Variants in PDSS2 observed in about 807,000 individuals in gnomAD.
The protein encoded by PDSS2 is all trans-polyprenyl-diphosphate synthase PDSS2.
A neutral mutation model predicts 44.5 loss-of-function variants in PDSS2; 31 were observed. That is an observed-to-expected ratio of 0.70 (90% CI 0.52 to 0.94). PDSS2 has a LOEUF of 0.94. Among genes scored for constraint, PDSS2 ranks in the 40% least tolerant of loss-of-function variants. PDSS2 has a pLI of 0.00. For missense variants in PDSS2, 452 were observed against 482.2 expected, an observed-to-expected ratio of 0.94 and a Z score of 0.59; for synonymous variants, 157 against 180.3, an observed-to-expected ratio of 0.87 and a Z score of 1.03.
At position 107,405,052 on chromosome 6, in the gene PDSS2, T is replaced by C. The variant is rs565415468; in HGVS notation, c.296+53938A>G. The stretch of plus-strand genomic sequence containing the variant: ...GCAAGAGAAAGTATCTAGTCACTTA[T>C]AAAGAAAACCCCATCAGAGTAACAG... On this transcript the variant is annotated intron_variant, in intron 1 of 7. Coordinates refer to ENST00000369037, the MANE Select transcript of PDSS2 (RefSeq NM_020381.4). Among the ~76,000 whole-genome samples, 7 of 151,908 alleles carry C rather than the reference T, an allele frequency of 4.6e-5. No homozygotes were observed. In the South Asian group the frequency reaches 1.0e-3, roughly 23 times the overall value.
intron 7 of PDSS2, among the ~76,000 whole-genome samples, chr6:107,180,037 T>C (rs372013211): frequency 1.3e-5 from 2 of 152,300 alleles, no homozygotes; most frequent in East Asian, 3.9e-4. Context: ...CAGAGGTGCC[T>C]CTCTTTTCAC....
intron 1 of PDSS2, among the ~76,000 whole-genome samples, chr6:107,376,792 T>C (rs1779297991): frequency 6.6e-6 from 1 of 152,142 alleles, no homozygotes; most frequent in African/African-American, 2.4e-5. Flanking sequence ...CTTCCAACAC[T>C]ATGTTGAATA....
chr6:107,210,086 A>G (rs1773144463), intron 6 of PDSS2, among the ~76,000 whole-genome samples: 1 of 152,132 alleles, frequency 6.6e-6, no homozygotes, highest in African/African-American at 2.4e-5. Context: ...CTTGTGCGAG[A>G]GTCCACAGAT....
chr6:107,227,093 C>T (rs1437879574), intron 4 of PDSS2, among the ~76,000 whole-genome samples: 2 of 151,830 alleles, frequency 1.3e-5, no homozygotes, highest in African/African-American at 4.8e-5. Context: ...GAATCTCCTG[C>T]CTCGGCCTCT....
intron 7 of PDSS2, among the ~76,000 whole-genome samples, chr6:107,180,922 G>A (rs886567893): frequency 1.3e-5 from 2 of 152,144 alleles, no homozygotes; most frequent in African/African-American, 4.8e-5. Context: ...CGCAATAACC[G>A]CAACCTCCAT....
intron 1 of PDSS2, among the ~76,000 whole-genome samples, chr6:107,367,107 G>C (rs1778981124): frequency 6.6e-6 from 1 of 152,016 alleles, no homozygotes; most frequent in Non-Finnish European, 1.5e-5. Flanking sequence ...ACTGAATCTA[G>C]CAATATAAAA....
At chr6:107,227,958 T>C (rs1773891273) in intron 4 of PDSS2, among the ~76,000 whole-genome samples, 1 of 152,224 alleles carries the variant, frequency 6.6e-6, no homozygotes, top group South Asian at 2.1e-4. Context: ...CACCAGCCTA[T>C]AGACAGATGG....
At position 107,181,316 on chromosome 6, in the gene PDSS2, C is replaced by T. The variant is rs563312734; in HGVS notation, c.1041+12506G>A. On this transcript the variant is annotated intron_variant, in intron 7 of 7. Coordinates refer to ENST00000369037, the MANE Select transcript of PDSS2 (RefSeq NM_020381.4). ...TTGGGAGGCTGAGGCGGGTAATCAC[C>T]TCCCAAAGGAGTTCAAGATCAGCCT... is the stretch of plus-strand genomic sequence containing the variant. Among the ~76,000 whole-genome samples, 5 of 152,004 alleles carry T rather than the reference C, an allele frequency of 3.3e-5. No individual in the cohort carries two copies. The South Asian group carries it at 6.2e-4, about 19-fold the overall frequency.
intron 1 of PDSS2, among the ~76,000 whole-genome samples, chr6:107,350,531 G>A (rs1307120411): frequency 1.3e-5 from 2 of 152,222 alleles, no homozygotes; most frequent in Non-Finnish European, 2.9e-5. Context: ...AAAGTTTCAG[G>A]CCAGGTTTAG....
intron 7 of PDSS2, among the ~76,000 whole-genome samples, chr6:107,176,881 AC>A (rs1771808076): frequency 1.3e-5 from 2 of 152,186 alleles, no homozygotes; most frequent in African/African-American, 4.8e-5. Flanking sequence ...CTTAAAATTG[AC>A]CTAATTGTTG....
At chr6:107,357,604 A>G (rs1487233470) in intron 1 of PDSS2, among the ~76,000 whole-genome samples, 2 of 152,134 alleles carry the variant, frequency 1.3e-5, no homozygotes, top group Non-Finnish European at 2.9e-5. Context: ...AATGACACAA[A>G]CATGCATCCA....
rs190334501 is a variant in PDSS2, at chr6:107,450,016, T to C, written c.296+8974A>G. ...TGCTATGAACATGGGTATACAAATA[T>C]CTCTTTGAGACACTGCTTTCAATTC... On this transcript the variant is annotated intron_variant, in intron 1 of 7. Coordinates refer to ENST00000369037, the MANE Select transcript of PDSS2 (RefSeq NM_020381.4). Among the ~76,000 whole-genome samples, 158 of 152,354 alleles carry C rather than the reference T, an allele frequency of 1.0e-3. 1 individual carries two copies. The highest frequency in any genetic ancestry group is 1.9e-3 in the Non-Finnish European group (129 of 68,036).
intron 7 of PDSS2, among the ~76,000 whole-genome samples, chr6:107,181,951 T>A (rs900110888): frequency 6.6e-6 from 1 of 151,776 alleles, no homozygotes; most frequent in East Asian, 1.9e-4. Context: ...TATGATGTCA[T>A]AAAGATGCTT....
chr6:107,163,553 C>T (rs1554247074), intron 7 of PDSS2, among the ~76,000 whole-genome samples: 3 of 151,874 alleles, frequency 2.0e-5, no homozygotes, highest in Non-Finnish European at 4.4e-5. Flanking sequence ...ATTTTTACTG[C>T]AAACTAGAAT....
chr6:107,198,211 T>C (rs1379099830), intron 6 of PDSS2, among the ~76,000 whole-genome samples: 3 of 152,246 alleles, frequency 2.0e-5, no homozygotes, highest in African/African-American at 7.2e-5. Flanking sequence ...TCTTCTTAGC[T>C]TGGCCACTAC....
At chr6:107,367,997 G>A (rs1779012345) in intron 1 of PDSS2, among the ~76,000 whole-genome samples, 2 of 151,534 alleles carry the variant, frequency 1.3e-5, no homozygotes, top group African/African-American at 2.4e-5. Flanking sequence ...CAGGCCAAGC[G>A]CGGTGGCTCA....
chr6:107,335,243 G>A (rs769740646), intron 1 of PDSS2, among the ~76,000 whole-genome samples: 4 of 149,310 alleles, frequency 2.7e-5, no homozygotes, highest in East Asian at 2.0e-4. Context: ...GGGTCTCCCC[G>A]CTGTCTATAC....
chr6:107,297,543 C>T (rs111788487), intron 2 of PDSS2, among the ~76,000 whole-genome samples: 7 of 151,758 alleles, frequency 4.6e-5, no homozygotes, highest in African/African-American at 1.7e-4. Context: ...TCACCATGCC[C>T]GGCTAATTTT....
intron 1 of PDSS2, among the ~76,000 whole-genome samples, chr6:107,437,298 G>C (rs373302170): frequency 6.6e-6 from 1 of 152,290 alleles, no homozygotes; most frequent in East Asian, 1.9e-4. Flanking sequence ...AAGGTGGGCA[G>C]ATCACTTGAG....
Sources: allele counts gnomAD v4.1 joint callset (sites outside exome capture counted in the v4.1 genomes callset), GRCh38; gene constraint gnomAD v4.1.1; transcripts MANE v1.5; gene names NCBI Gene and HGNC (gene_info 2026-07-23, HGNC 2026-07-21).